SGSM2: variants seen among roughly 807,000 people sequenced by gnomAD.
SGSM2 encodes small G protein signaling modulator 2, also known as RUN and TBC1 domain containing 1.
In SGSM2, 89 loss-of-function variants were observed where a neutral mutation model predicts 126.6. The observed-to-expected ratio is 0.70, with a 90% confidence interval of 0.59 to 0.84. The LOEUF (loss-of-function observed/expected upper bound fraction) is 0.84, where lower values mean the gene tolerates loss of function less well. Ranked by LOEUF, SGSM2 falls within the 40% of genes least tolerant of loss-of-function variation. The pLI, the probability that SGSM2 is intolerant of heterozygous loss-of-function variation, is 0.00. For synonymous variants in SGSM2, 614 were observed against 574.3 expected (o/e 1.07, Z -0.99); for missense variants, 1,404 against 1,416.6 (o/e 0.99, Z 0.14).
Position 2,363,318 on chromosome 17 carries a change from C to G in SGSM2, c.673-147C>G. On this transcript the variant is annotated intron_variant, in intron 6 of 23. Transcript: ENST00000268989. The surrounding 1 kb of genome is among the most constrained non-coding windows in gnomAD (Gnocchi z 4.2). ...GCCGGGAGCCCATGCTGGTCCGTGGCTGGAGAGCAGAGGGTGGCTGGGAGT... is the reference window on the plus strand; with the variant it reads ...GCCGGGAGCCCATGCTGGTCCGTGGGTGGAGAGCAGAGGGTGGCTGGGAGT... 1 of 1,399,666 alleles carries G rather than the reference C, an allele frequency of 7.1e-7. No homozygotes were observed. Among genetic ancestry groups the G allele is most frequent in the Non-Finnish European group, 9.6e-7 (1 of 1,037,814 alleles). 86.7% of individuals were successfully genotyped at this position (1,399,666 alleles called of 1,614,324 possible). A position where few individuals can be genotyped will look rare whatever the true frequency, so the allele number is the denominator to read the frequency against.
intron 9 of SGSM2, 86 bp from the exon 10 acceptor site, chr17:2,364,811 C>T: frequency 6.3e-7 from 1 of 1,576,110 alleles, no homozygotes; most frequent in South Asian, 1.1e-5. Context: ...CAGCCATCTG[C>T]CTCCTACCCA....
intron 20 of SGSM2, 24 bp from the exon 21 acceptor site, chr17:2,376,935 A>G (rs1356972898): frequency 1.2e-6 from 2 of 1,606,960 alleles, no homozygotes; most frequent in East Asian, 2.2e-5. Flanking sequence ...CTGCCCTGCC[A>G]GCTTCACTCC....
chr17:2,374,787 C>G (rs1255540422), intron 17 of SGSM2, among the ~76,000 whole-genome samples: 1 of 152,208 alleles, frequency 6.6e-6, no homozygotes, highest in Non-Finnish European at 1.5e-5. Context: ...GAACCGTGGC[C>G]TTACCCAGCA....
At chr17:2,368,283 C>A (rs2065689152) in intron 12 of SGSM2, among the ~76,000 whole-genome samples, 1 of 152,088 alleles carries the variant, frequency 6.6e-6, no homozygotes, top group Non-Finnish European at 1.5e-5. Flanking sequence ...GAGAGGGAGC[C>A]CCCCTCTTTT....
chr17:2,338,045 G>A (rs2064162562), intron 1 of SGSM2, among the ~76,000 whole-genome samples: 1 of 152,112 alleles, frequency 6.6e-6, no homozygotes, highest in Admixed American at 6.5e-5. Context: ...GGCGATGGCG[G>A]GGATGGCTGG....
At position 2,379,519 on chromosome 17, in the gene SGSM2, G is replaced by A; in HGVS notation, c.3155G>A (p.Ter1052=). 1 of 1,611,104 alleles carries A rather than the reference G, an allele frequency of 6.2e-7. No individual in the cohort carries two copies. Among genetic ancestry groups the A allele is most frequent in the Non-Finnish European group, 8.5e-7 (1 of 1,177,900 alleles). Residue 1052 remains the stop codon, a stop_retained_variant, in exon 24 of 24, where the codon TGA becomes TAA. Coordinates refer to ENST00000268989, the MANE Select transcript of SGSM2 (RefSeq NM_014853.3). ...HKVQMLIENK[*] The stretch of plus-strand genomic sequence containing the variant: ...GTGCAGATGCTCATAGAGAACAAGT[G>A]AGCTGGGGCCAGGAGGCAGCAGCCG...
intron 2 of SGSM2, among the ~76,000 whole-genome samples, chr17:2,349,977 T>C (rs1289114963): frequency 2.6e-5 from 4 of 151,904 alleles, no homozygotes; most frequent in African/African-American, 7.3e-5. Flanking sequence ...TTAGTAGACA[T>C]GGGGTTTCAC....
chr17:2,372,539 G>A lies in SGSM2; in HGVS notation c.1788+51G>A. The A allele has an allele frequency of 6.3e-7, 1 of 1,580,520 alleles. No individual in the cohort carries two copies. The highest frequency in any genetic ancestry group is 8.6e-7 in the Non-Finnish European group (1 of 1,168,168). ...ACAGGTCGAGGGGCTGGGGCGGGCA[G>A]GAGTGAGGGCTTCAGGGTAAAATGT... On this transcript the variant is annotated intron_variant, in intron 15 of 23. Transcript: ENST00000268989. This position sits in a 1 kb window ranked among gnomAD's most constrained non-coding sequence, Gnocchi z 6.0.
At chr17:2,345,802 C>T (rs2151486799) in intron 2 of SGSM2, among the ~76,000 whole-genome samples, 1 of 152,136 alleles carries the variant, frequency 6.6e-6, no homozygotes, top group South Asian at 2.1e-4. Flanking sequence ...ATCTCAGGGC[C>T]TACAGACAGA....
At chr17:2,353,296 C>T (rs568852607) in intron 2 of SGSM2, among the ~76,000 whole-genome samples, 13 of 152,208 alleles carry the variant, frequency 8.5e-5, no homozygotes, top group African/African-American at 3.1e-4. Flanking sequence ...GAGATGCCCA[C>T]GGGCGACCCA....
At chr17:2,338,774 A>AATATATATATATATAT (rs148031213) in intron 1 of SGSM2, among the ~76,000 whole-genome samples, 1,434 of 133,872 alleles carry the variant, frequency 0.011, 46 homozygotes, top group African/African-American at 0.02. Context: ...CCGTCTCCCT[A>AATATATATATATATAT]ATATATATAT....
chr17:2,352,501 C>T (rs2064899107), intron 2 of SGSM2, among the ~76,000 whole-genome samples: 1 of 152,188 alleles, frequency 6.6e-6, no homozygotes. Context: ...CCATTCCCAA[C>T]TCCGGGCCCA....
In SGSM2 at chr17:2,361,656, C is replaced by T. The variant is rs750669995; in HGVS notation, c.153C>T (p.Leu51=). The change falls in exon 3 of 24, where the codon CTC becomes CTT. Residue 51 remains leucine (L), a synonymous_variant. Coordinates refer to ENST00000268989, the MANE Select transcript of SGSM2 (RefSeq NM_014853.3). ...GCCTAGGTGCAGTGGAGGCTTGCCT[C>T]TTGCATCAGCTGAGACGCCGTGCCG... is the stretch of plus-strand genomic sequence containing the variant. ...IALCGAVEAC[L]LHQLRRRAAG... The T allele has an allele frequency of 2.5e-6, 4 of 1,613,908 alleles. No individual in the cohort carries two copies. The East Asian group carries it at 8.9e-5, about 36-fold the overall frequency.
In SGSM2 at chr17:2,372,792, C is replaced by T. The variant is rs1158616517; in HGVS notation, c.1789-161C>T. On this transcript the variant is annotated intron_variant, in intron 15 of 23. Transcript: ENST00000268989. The surrounding 1 kb of genome is among the most constrained non-coding windows in gnomAD (Gnocchi z 6.0). Reference sequence around the variant, plus strand: ...GAACGAGATCTCATCCCACTGTGAGCTGGGGCACGGGAGGACGTGGCCACC... The same window carrying T: ...GAACGAGATCTCATCCCACTGTGAGTTGGGGCACGGGAGGACGTGGCCACC... 2 of 990,944 alleles carry T rather than the reference C, an allele frequency of 2.0e-6. No homozygotes were observed. The highest frequency in any genetic ancestry group is 1.7e-5 in the South Asian group (1 of 58,674). 61.4% of individuals were successfully genotyped at this position (990,944 alleles called of 1,614,324 possible). A position where few individuals can be genotyped will look rare whatever the true frequency, so the allele number is the denominator to read the frequency against.
rs1291486366 is a variant in SGSM2, at chr17:2,372,254, TGTGA to T, written c.1642+4_1642+7del. On this transcript the variant is annotated splice_donor_variant and splice_donor_region_variant and intron_variant, in intron 14 of 23. Coordinates refer to ENST00000268989, the MANE Select transcript of SGSM2 (RefSeq NM_014853.3). LOFTEE classifies it high-confidence loss of function. The surrounding 1 kb of genome is among the most constrained non-coding windows in gnomAD (Gnocchi z 6.0). ...GATCGTGTCCCGGGCCTTCTACGGCTGTGAGTGTGGGGCGCGCCGGGCTGTGGCG... is the reference window on the plus strand; with the variant it reads ...GATCGTGTCCCGGGCCTTCTACGGCTGTGTGGGGCGCGCCGGGCTGTGGCG... 6.2e-7 allele frequency: 1 copy of T among 1,612,916 alleles called. No homozygotes were observed. Among genetic ancestry groups the T allele is most frequent in the Admixed American group, 1.7e-5 (1 of 60,002 alleles).
At chr17:2,369,134 G>T (rs969103234) in intron 12 of SGSM2, among the ~76,000 whole-genome samples, 1 of 152,170 alleles carries the variant, frequency 6.6e-6, no homozygotes, top group African/African-American at 2.4e-5. Context: ...TCAGCAGGCG[G>T]TTGGGGAGAG....
chr17:2,360,934 T>C (rs993890721), intron 2 of SGSM2, among the ~76,000 whole-genome samples: 1 of 152,228 alleles, frequency 6.6e-6, no homozygotes, highest in South Asian at 2.1e-4. Context: ...GGCCCAATCA[T>C]GTAGAAGCTT....
Position 2,365,020 on chromosome 17 carries a change from G to A in SGSM2, c.1124G>A (p.Gly375Glu), listed in dbSNP as rs2065492280. 3.7e-6 allele frequency: 6 copies of A among 1,613,440 alleles called. No homozygotes were observed. Among genetic ancestry groups the A allele is most frequent in the African/African-American group, 1.3e-5 (1 of 75,050 alleles). The change falls in exon 10 of 24, where the codon GGA becomes GAA. Residue 375 changes from glycine (G) to glutamate (E), a missense_variant. Physicochemically the swap from Gly to Glu is moderately conservative, Grantham distance 98 (BLOSUM62 -2). Coordinates refer to ENST00000268989, the MANE Select transcript of SGSM2 (RefSeq NM_014853.3). The part of the protein sequence containing the change: ...SCLENGLLPR[G>E]QLEPPLWTQQ... ...CTGGAGAATGGGCTGCTGCCTCGGG[G>A]ACAGCTAGAGCCCCCGCTGTGGACC...
intron 2 of SGSM2, among the ~76,000 whole-genome samples, chr17:2,358,670 C>G (rs1567817059): frequency 6.6e-6 from 1 of 151,976 alleles, no homozygotes; most frequent in Non-Finnish European, 1.5e-5. Flanking sequence ...TGTGGTTGCA[C>G]CGTTGCACGC....
Sources: allele counts gnomAD v4.1 joint callset (sites outside exome capture counted in the v4.1 genomes callset), GRCh38; gene constraint gnomAD v4.1.1; non-coding constraint Gnocchi (gnomAD v3.1); transcripts MANE v1.5; gene names NCBI Gene and HGNC (gene_info 2026-07-23, HGNC 2026-07-21).